The following CD37 variants were observed in gnomAD, a reference collection of about 807,000 sequenced individuals.
The protein encoded by CD37 is CD37 molecule.
Under a neutral mutation model 38.9 loss-of-function variants are expected in CD37, and 37 were observed. That is an observed-to-expected ratio of 0.95 (90% CI 0.73 to 1.25). The LOEUF (loss-of-function observed/expected upper bound fraction) is 1.25. CD37 is among the 50% of genes most tolerant of loss of function. The pLI, the probability that CD37 is intolerant of heterozygous loss-of-function variation, is 0.00. For synonymous variants in CD37, 146 were observed against 150.1 expected, an observed-to-expected ratio of 0.97 and a Z score of 0.20; for missense variants, 351 against 360.1, an observed-to-expected ratio of 0.97 and a Z score of 0.20.
Position 49,340,488 on chromosome 19 carries a change from CT to C in CD37, c.*161del. 1.5e-6 allele frequency: 1 copy of C among 666,022 alleles called. No homozygotes were observed. The highest frequency in any genetic ancestry group is 2.7e-6 in the Non-Finnish European group (1 of 365,808). 41.3% of individuals were successfully genotyped at this position (666,022 alleles called of 1,614,324 possible). On this transcript the variant is annotated 3_prime_UTR_variant, in exon 8 of 8. Transcript: ENST00000323906. Reference sequence around the variant, plus strand: ...CTGCGTGCCCCTGCTGCTGTCACCTCTCCCACGGGACCTGGGGCTTTCGTCC... The same window carrying C: ...CTGCGTGCCCCTGCTGCTGTCACCTCCCCACGGGACCTGGGGCTTTCGTCC...
chr19:49,340,170 A>C (rs1600685113), intron 7 of CD37, 81 bp from the exon 8 acceptor site: 2 of 1,495,410 alleles, frequency 1.3e-6, no homozygotes, highest in Non-Finnish European at 1.8e-6. Context: ...CCCACCCCTG[A>C]CCTTTCTCGC....
Position 49,339,665 on chromosome 19 carries a change from T to C in CD37, c.768+252T>C. On this transcript the variant is annotated intron_variant, in intron 7 of 7. Coordinates refer to ENST00000323906, the MANE Select transcript of CD37 (RefSeq NM_001774.3). This position sits in a 1 kb window ranked among gnomAD's most constrained non-coding sequence, Gnocchi z 4.5. Reference sequence around the variant, plus strand: ...CCTCCCCTTTCTCCGCAGATGACTGTCATGGTGCTGAGCGTACAGCTACAG... The same window carrying C: ...CCTCCCCTTTCTCCGCAGATGACTGCCATGGTGCTGAGCGTACAGCTACAG... 7.0e-7 allele frequency: 1 copy of C among 1,428,058 alleles called. No homozygotes were observed. Among genetic ancestry groups the C allele is most frequent in the Non-Finnish European group, 9.1e-7 (1 of 1,096,026 alleles). 88.5% of individuals were successfully genotyped at this position (1,428,058 alleles called of 1,614,324 possible). A position where few individuals can be genotyped will look rare whatever the true frequency, so the allele number is the denominator to read the frequency against.
Position 49,339,551 on chromosome 19 carries a change from C to T in CD37, c.768+138C>T, listed in dbSNP as rs1377427729. On this transcript the variant is annotated intron_variant, in intron 7 of 7. Transcript: ENST00000323906. The surrounding 1 kb of genome is among the most constrained non-coding windows in gnomAD (Gnocchi z 4.5). ...CCACCCCGGCCCTCCCGCCGCTCCA[C>T]CCAGCACCGGAGGGTGGGGGCGGCC... is the stretch of plus-strand genomic sequence containing the variant. 3 of 1,476,404 alleles carry T rather than the reference C, an allele frequency of 2.0e-6. No homozygotes were observed. In the African/African-American group the frequency reaches 4.2e-5, roughly 21 times the overall value. The allele number at this position is 1,476,404 out of a possible 1,614,324, so 91.5% of individuals were successfully genotyped here.
At position 49,340,003 on chromosome 19, in the gene CD37, G is replaced by A. The variant is rs191708595; in HGVS notation, c.769-248G>A. 66 of 1,446,848 alleles carry A rather than the reference G, an allele frequency of 4.6e-5. No individual in the cohort carries two copies. The African/African-American group carries it at 8.0e-4, about 17-fold the overall frequency. The allele number at this position is 1,446,848 out of a possible 1,614,324, so 89.6% of individuals were successfully genotyped here. ...AGACAGATGAGCCTCCAAAATAAAG[G>A]ACCCTGGGCTTGCTTCCGACCTTAC... is the stretch of plus-strand genomic sequence containing the variant. On this transcript the variant is annotated intron_variant, in intron 7 of 7. Coordinates refer to ENST00000323906, the MANE Select transcript of CD37 (RefSeq NM_001774.3).
At chr19:49,336,778 G>A in intron 2 of CD37, 131 bp from the exon 3 acceptor site, 1 of 867,508 alleles carries the variant, frequency 1.2e-6, no homozygotes, top group Non-Finnish European at 1.8e-6. Context: ...ACTCAGGGTG[G>A]GGCAGGGACA....
rs757187710 is a variant in CD37, at chr19:49,335,791, G to C, written c.142+5G>C. The C allele has an allele frequency of 1.9e-6, 3 of 1,608,962 alleles. No homozygotes were observed. In the African/African-American group the frequency reaches 4.0e-5, roughly 21 times the overall value. ...CCAGCTTCGTGTCCTTTGTGGGTGA[G>C]GGGGGCTGGGGCAGGTGGGAGGGCC... On this transcript the variant is annotated splice_donor_5th_base_variant and intron_variant, in intron 2 of 7. Transcript: ENST00000323906. This position sits in a 1 kb window ranked among gnomAD's most constrained non-coding sequence, Gnocchi z 4.6.
At position 49,339,668 on chromosome 19, in the gene CD37, T is replaced by G; in HGVS notation, c.768+255T>G. Reference sequence around the variant, plus strand: ...CCCCTTTCTCCGCAGATGACTGTCATGGTGCTGAGCGTACAGCTACAGCGC... The same window carrying G: ...CCCCTTTCTCCGCAGATGACTGTCAGGGTGCTGAGCGTACAGCTACAGCGC... On this transcript the variant is annotated intron_variant, in intron 7 of 7. Transcript: ENST00000323906. The surrounding 1 kb of genome is among the most constrained non-coding windows in gnomAD (Gnocchi z 4.5). 1.4e-6 allele frequency: 2 copies of G among 1,428,146 alleles called. No homozygotes were observed. Among genetic ancestry groups the G allele is most frequent in the Non-Finnish European group, 1.8e-6 (2 of 1,096,004 alleles). The allele number at this position is 1,428,146 out of a possible 1,614,324, so 88.5% of individuals were successfully genotyped here.
chr19:49,336,735 A>G, intron 2 of CD37, 174 bp from the exon 3 acceptor site: 1 of 618,996 alleles, frequency 1.6e-6, no homozygotes, highest in Non-Finnish European at 2.8e-6. Flanking sequence ...AAACAGGCCC[A>G]GAAAGAAGAG....
chr19:49,338,167 C>A lies in CD37; in HGVS notation c.447+138C>A. ...CCAATCCCTCCCAGGCCCGACGCTCCCCACTCCCCAGATGACACAACTGTC... is the reference window on the plus strand; with the variant it reads ...CCAATCCCTCCCAGGCCCGACGCTCACCACTCCCCAGATGACACAACTGTC... On this transcript the variant is annotated intron_variant, in intron 5 of 7. Transcript: ENST00000323906. This position sits in a 1 kb window ranked among gnomAD's most constrained non-coding sequence, Gnocchi z 5.0. The A allele has an allele frequency of 6.9e-7, 1 of 1,453,154 alleles. No individual in the cohort carries two copies. The allele number at this position is 1,453,154 out of a possible 1,614,324, so 90.0% of individuals were successfully genotyped here.
rs58117042 is a variant in CD37, at chr19:49,336,507, G to A, written c.143-402G>A. The A allele has an allele frequency of 3.2e-3, 537 of 167,962 alleles. 4 individuals are homozygous for A. In the East Asian group the frequency reaches 0.042, roughly 13 times the overall value. 10.4% of individuals were successfully genotyped at this position (167,962 alleles called of 1,614,324 possible). On this transcript the variant is annotated intron_variant, in intron 2 of 7. Coordinates refer to ENST00000323906, the MANE Select transcript of CD37 (RefSeq NM_001774.3). ...TGGGAGGCAGAGGTTGCAGTGAGCC[G>A]AGATCACATCACTGCACTCCAGCCT...
In CD37 at chr19:49,338,492, A is replaced by ACCCCGTGACTCGTCTTTCCCAGCCCC. The variant is rs1383768188; in HGVS notation, c.448-207_448-182dup. Among the ~76,000 whole-genome samples, 1 of 151,436 alleles carries ACCCCGTGACTCGTCTTTCCCAGCCCC rather than the reference A, an allele frequency of 6.6e-6. No individual in the cohort carries two copies. Among genetic ancestry groups the ACCCCGTGACTCGTCTTTCCCAGCCCC allele is most frequent in the African/African-American group, 2.4e-5 (1 of 41,156 alleles). On this transcript the variant is annotated intron_variant, in intron 5 of 7. Coordinates refer to ENST00000323906, the MANE Select transcript of CD37 (RefSeq NM_001774.3). The surrounding 1 kb of genome is among the most constrained non-coding windows in gnomAD (Gnocchi z 5.0). ...GCAGCTCCTTCCCCAGCCCCAGGTC[A>ACCCCGTGACTCGTCTTTCCCAGCCCC]CCCCGTGACTCGTCTTTCCCAGCCC...
chr19:49,335,463 T>C lies in CD37; in HGVS notation c.-78T>C. On this transcript the variant is annotated 5_prime_UTR_variant, in exon 1 of 8. Transcript: ENST00000323906. This position sits in a 1 kb window ranked among gnomAD's most constrained non-coding sequence, Gnocchi z 4.6. Reference sequence around the variant, plus strand: ...CTCCGTCTCTCTTTCTCTCTCAGCCTCTTTCTTTCTCCCTGTCTCCCCCAC... The same window carrying C: ...CTCCGTCTCTCTTTCTCTCTCAGCCCCTTTCTTTCTCCCTGTCTCCCCCAC... 9.8e-7 allele frequency: 1 copy of C among 1,017,028 alleles called. No homozygotes were observed. Among genetic ancestry groups the C allele is most frequent in the Non-Finnish European group, 1.6e-6 (1 of 643,830 alleles). 63.0% of individuals were successfully genotyped at this position (1,017,028 alleles called of 1,614,324 possible).
Position 49,335,664 on chromosome 19 carries a change from C to G in CD37, c.70-50C>G. The G allele has an allele frequency of 6.2e-7, 1 of 1,610,108 alleles. No individual in the cohort carries two copies. The highest frequency in any genetic ancestry group is 1.3e-5 in the African/African-American group (1 of 74,968). On this transcript the variant is annotated intron_variant, in intron 1 of 7. Coordinates refer to ENST00000323906, the MANE Select transcript of CD37 (RefSeq NM_001774.3). The surrounding 1 kb of genome is among the most constrained non-coding windows in gnomAD (Gnocchi z 4.6). The stretch of plus-strand genomic sequence containing the variant: ...GCCCAGCCCCTGCCGCTAACCCAGC[C>G]CTCATCTTCCCCTGTGGCCCACCCC...
In CD37 at chr19:49,339,971, A is replaced by C. The variant is rs1600683812; in HGVS notation, c.769-280A>C. The C allele has an allele frequency of 7.1e-7, 1 of 1,418,234 alleles. No individual in the cohort carries two copies. The highest frequency in any genetic ancestry group is 9.2e-7 in the Non-Finnish European group (1 of 1,088,070). The allele number at this position is 1,418,234 out of a possible 1,614,324, so 87.9% of individuals were successfully genotyped here. On this transcript the variant is annotated intron_variant, in intron 7 of 7. Transcript: ENST00000323906. This position sits in a 1 kb window ranked among gnomAD's most constrained non-coding sequence, Gnocchi z 4.5. ...GAGGCACAATTAGAGGCTGAGGCAG[A>C]GGGGGAAGACAGATGAGCCTCCAAA...
chr19:49,340,499 C>T lies in CD37; in HGVS notation c.*171C>T, dbSNP rs770736487. 1.4e-5 allele frequency: 9 copies of T among 650,648 alleles called. No homozygotes were observed. Among genetic ancestry groups the T allele is most frequent in the Admixed American group, 1.3e-4 (6 of 45,776 alleles). The allele number at this position is 650,648 out of a possible 1,614,324, so 40.3% of individuals were successfully genotyped here. On this transcript the variant is annotated 3_prime_UTR_variant, in exon 8 of 8. Coordinates refer to ENST00000323906, the MANE Select transcript of CD37 (RefSeq NM_001774.3). ...TGCTGCTGTCACCTCTCCCACGGGACCTGGGGCTTTCGTCCACAGCTTCCT... is the reference window on the plus strand; with the variant it reads ...TGCTGCTGTCACCTCTCCCACGGGATCTGGGGCTTTCGTCCACAGCTTCCT...
rs991023863 is a variant in CD37 at position 49,337,394 on chromosome 19, T to C, written c.342+173T>C. ...CCTGTAATCCCATAATCCCAGCACT[T>C]TGGGAGGCTGAGGTGGGAGTCCAGG... On this transcript the variant is annotated intron_variant, in intron 4 of 7. Transcript: ENST00000323906. 13 of 726,224 alleles carry C rather than the reference T, an allele frequency of 1.8e-5. No individual in the cohort carries two copies. In the Admixed American group the frequency reaches 2.5e-4, roughly 14 times the overall value. 45.0% of individuals were successfully genotyped at this position (726,224 alleles called of 1,614,324 possible).
intron 7 of CD37, 193 bp from the exon 8 acceptor site, chr19:49,340,058 C>A: frequency 6.6e-7 from 1 of 1,507,290 alleles, no homozygotes; most frequent in Non-Finnish European, 8.8e-7. Flanking sequence ...CCACTTGTAG[C>A]AGCTATTCCC....
Position 49,339,268 on chromosome 19 carries a change from C to G in CD37, c.685-62C>G. 6.8e-7 allele frequency: 1 copy of G among 1,472,890 alleles called. No homozygotes were observed. Among genetic ancestry groups the G allele is most frequent in the Non-Finnish European group, 9.4e-7 (1 of 1,058,604 alleles). 91.2% of individuals were successfully genotyped at this position (1,472,890 alleles called of 1,614,324 possible). On this transcript the variant is annotated intron_variant, in intron 6 of 7. Coordinates refer to ENST00000323906, the MANE Select transcript of CD37 (RefSeq NM_001774.3). This position sits in a 1 kb window ranked among gnomAD's most constrained non-coding sequence, Gnocchi z 4.5. ...ACGGTGAGGGTTGGCCTGAAAAGAA[C>G]GCTGGGCCTGGGCTTGAGAGTCCCA...
chr19:49,339,020 G>A lies in CD37; in HGVS notation c.684+84G>A. ...GGGCTGTCAGTGAGTAGCGGCCTGA[G>A]AAAGGGCGGGGTCTACGAGAAAAGG... is the stretch of plus-strand genomic sequence containing the variant. On this transcript the variant is annotated intron_variant, in intron 6 of 7. Transcript: ENST00000323906. This position sits in a 1 kb window ranked among gnomAD's most constrained non-coding sequence, Gnocchi z 4.5. 1 of 1,114,796 alleles carries A rather than the reference G, an allele frequency of 9.0e-7. No individual in the cohort carries two copies. Among genetic ancestry groups the A allele is most frequent in the Non-Finnish European group, 1.3e-6 (1 of 749,962 alleles). 69.1% of individuals were successfully genotyped at this position (1,114,796 alleles called of 1,614,324 possible). A position where few individuals can be genotyped will look rare whatever the true frequency, so the allele number is the denominator to read the frequency against.
Sources: gnomAD v4.1 joint callset for allele counts (sites outside exome capture counted in the v4.1 genomes callset) on GRCh38, gnomAD v4.1.1 for gene constraint, Gnocchi (gnomAD v3.1) non-coding constraint, MANE v1.5 for transcripts, NCBI Gene and HGNC (gene_info 2026-07-23, HGNC 2026-07-21) for gene names.